HOOK2: variants seen among roughly 807,000 people sequenced by gnomAD.
HOOK2 encodes protein Hook homolog 2.
A neutral mutation model predicts 111.9 loss-of-function variants in HOOK2; 108 were observed. The ratio of observed to expected loss-of-function variants is 0.96; its 90% CI spans 0.83 to 1.13. The LOEUF (loss-of-function observed/expected upper bound fraction) is 1.13, where lower values mean the gene tolerates loss of function less well. HOOK2 is among the 50% of genes most tolerant of loss of function. HOOK2 has a pLI of 0.00. For missense variants in HOOK2, 978 were observed against 951.3 expected, an observed-to-expected ratio of 1.03 and a Z score of -0.37; for synonymous variants, 405 against 394.3, an observed-to-expected ratio of 1.03 and a Z score of -0.32.
intron 3 of HOOK2, 187 bp from the exon 4 acceptor site, chr19:12,773,231 CTTT>C (rs373156108): frequency 0.058 from 14,518 of 248,192 alleles, no homozygotes; most frequent in Middle Eastern, 0.1. Flanking sequence ...ATCTTTGTTT[CTTT>C]TTTTTTTTTT....
rs1968663151 is a variant in HOOK2 at position 12,786,869 on chromosome 19, A to G, written n.42-12644T>C. ...CTGTGCCCCACCACATTTCTCCCCC[A>G]ATTAAAGGAGACCCTCAGTGGGGTG... On this transcript the variant is annotated intron_variant and non_coding_transcript_variant, in intron 3 of 3. Coordinates refer to the HOOK2 transcript ENST00000589765. The surrounding 1 kb of genome is among the most constrained non-coding windows in gnomAD (Gnocchi z 4.3). 6.6e-6 allele frequency among the ~76,000 whole-genome samples: 1 copy of G among 151,908 alleles called. No homozygotes were observed. Among genetic ancestry groups the G allele is most frequent in the South Asian group, 2.1e-4 (1 of 4,808 alleles).
At position 12,770,077 on chromosome 19, in the gene HOOK2, G is replaced by C; in HGVS notation, c.908C>G (p.Ser303Cys). 1 of 1,513,216 alleles carries C rather than the reference G, an allele frequency of 6.6e-7. No homozygotes were observed. The allele number at this position is 1,513,216 out of a possible 1,614,324, so 93.7% of individuals were successfully genotyped here. Residue 303 changes from serine (S) to cysteine (C), a missense_variant, in exon 11 of 23, where the codon TCT (serine) becomes TGT (cysteine). By Grantham distance (112) the Ser-to-Cys change is moderately radical. This residue lies in a region of HOOK2 where 388 missense variants were observed against 358.3 expected (regional missense o/e 1.08). Coordinates refer to ENST00000397668, the MANE Select transcript of HOOK2 (RefSeq NM_013312.3). ...LKDEMDELRQSSERAGQLEAT... is the reference protein window; with the variant it reads ...LKDEMDELRQCSERAGQLEAT... ...CTCCAGCTGCCCAGCACGCTCCGAA[G>C]ACTGCCTAGGGGAGTGGGAGGGAAG...
rs1968657258 is a variant in HOOK2 at position 12,786,407 on chromosome 19, G to T, written n.42-12182C>A. The stretch of plus-strand genomic sequence containing the variant: ...TTTATAAGAAGGAGAAGTCCCTCGT[G>T]CCAAGACCAAAAGCCCCGAAGACAC... On this transcript the variant is annotated intron_variant and non_coding_transcript_variant, in intron 3 of 3. Transcript: ENST00000589765. This position sits in a 1 kb window ranked among gnomAD's most constrained non-coding sequence, Gnocchi z 4.3. Among the ~76,000 whole-genome samples, 1 of 152,126 alleles carries T rather than the reference G, an allele frequency of 6.6e-6. No individual in the cohort carries two copies.
At chr19:12,783,991 C>G (rs563342675) in intron 3 of HOOK2, among the ~76,000 whole-genome samples, 1 of 151,354 alleles carries the variant, frequency 6.6e-6, no homozygotes, top group Non-Finnish European at 1.5e-5. Flanking sequence ...CACCCTCATT[C>G]CAGTGCCCTG....
chr19:12,769,817 G>T, intron 11 of HOOK2, 64 bp downstream of exon 11: 8 of 1,310,764 alleles, frequency 6.1e-6, no homozygotes, highest in Non-Finnish European at 7.9e-6. Context: ...GCGGAGGGCT[G>T]GCCAACGGTG....
At chr19:12,778,094 G>A (rs1568377333), upstream of HOOK2, among the ~76,000 whole-genome samples, 1 of 152,162 alleles carries the variant, frequency 6.6e-6, no homozygotes, top group South Asian at 2.1e-4. Flanking sequence ...CCCGGTAGAC[G>A]GGCGGGGTAA....
intron 20 of HOOK2, 136 bp from the exon 21 acceptor site, chr19:12,763,914 A>G: frequency 1.6e-6 from 1 of 639,766 alleles, no homozygotes; most frequent in Non-Finnish European, 2.7e-6. Context: ...ATGGTCTTGA[A>G]CTCCTGGCAT....
At position 12,772,180 on chromosome 19, in the gene HOOK2, A is replaced by G. The variant is rs770351261; in HGVS notation, c.519+10T>C. On this transcript the variant is annotated intron_variant, in intron 7 of 22. Coordinates refer to ENST00000397668, the MANE Select transcript of HOOK2 (RefSeq NM_013312.3). ...CTGTGCCTGGAACACCTTTCCCCCA[A>G]ATCTCTTACCTGGCTGTCAAAGTTG... 1.2e-6 allele frequency: 2 copies of G among 1,604,768 alleles called. No individual in the cohort carries two copies. Among genetic ancestry groups the G allele is most frequent in the African/African-American group, 2.7e-5 (2 of 74,680 alleles).
intron 14 of HOOK2, chr19:12,766,535 A>G: frequency 2.5e-6 from 1 of 406,406 alleles, no homozygotes; most frequent in Non-Finnish European, 4.4e-6. Context: ...GGGAAGAACT[A>G]GGATGGGACA....
Position 12,763,571 on chromosome 19 carries a change from C to A in HOOK2, c.1967G>T (p.Arg656Leu), listed in dbSNP as rs201745213. The A allele has an allele frequency of 2.5e-6, 4 of 1,614,204 alleles. No individual in the cohort carries two copies. Among genetic ancestry groups the A allele is most frequent in the South Asian group, 2.2e-5 (2 of 91,090 alleles). ...EMDFEKSRSQREQEEKLLISA... is the reference protein window; with the variant it reads ...EMDFEKSRSQLEQEEKLLISA... Reference sequence around the variant, plus strand: ...GATGAGCAGCTTTTCTTCCTGCTCCCGCTGACTTCGGCTTTTCTCAAAGTC... The same window carrying A: ...GATGAGCAGCTTTTCTTCCTGCTCCAGCTGACTTCGGCTTTTCTCAAAGTC... The change falls in exon 22 of 23, where the codon CGG becomes CTG. Residue 656 changes from arginine to leucine, a missense_variant. By Grantham distance (102) the Arg-to-Leu change is moderately radical. This residue lies in a region of HOOK2 where 277 missense variants were observed against 265.8 expected (regional missense o/e 1.04). Transcript: ENST00000397668.
At chr19:12,767,696 C>T in intron 13 of HOOK2, 120 bp downstream of exon 13, 1 of 965,142 alleles carries the variant, frequency 1.0e-6, no homozygotes, top group South Asian at 1.6e-5. Flanking sequence ...TCACCTCTTT[C>T]TGGTCACCTC....
rs192884629 is a variant in HOOK2 at position 12,774,748 on chromosome 19, G to A, written c.132-7C>T. 2.6e-4 allele frequency: 427 copies of A among 1,613,784 alleles called. 4 individuals are homozygous for A. The East Asian group carries it at 7.9e-3, about 30-fold the overall frequency. ...GTTGAACCAGGAGGGGTCTCTGGGG[G>A]CGAGAAGGTGGGATGAGCAGACTGG... On this transcript the variant is annotated splice_region_variant and splice_polypyrimidine_tract_variant and intron_variant, in intron 2 of 22. Transcript: ENST00000397668.
intron 3 of HOOK2, 183 bp from the exon 4 acceptor site, chr19:12,773,227 GTTTCTTTTTTTT>G: frequency 3.5e-6 from 1 of 283,636 alleles, no homozygotes; most frequent in Non-Finnish European, 6.2e-6. Flanking sequence ...GACCATCTTT[GTTTCTTTTTTTT>G]TTTTTTTTTT....
At chr19:12,776,310 T>C (rs1443530950), upstream of HOOK2, among the ~76,000 whole-genome samples, 1 of 151,932 alleles carries the variant, frequency 6.6e-6, no homozygotes, top group Non-Finnish European at 1.5e-5. Context: ...GGCTCTCGAC[T>C]GTAATCCCAG....
intron 3 of HOOK2, among the ~76,000 whole-genome samples, chr19:12,773,565 CAT>C (rs1243553991): frequency 6.6e-6 from 1 of 152,014 alleles, no homozygotes; most frequent in East Asian, 1.9e-4. Context: ...CATCTTCCTT[CAT>C]ATGTCTCCAG....
At chr19:12,776,307 G>C (rs999615231), upstream of HOOK2, among the ~76,000 whole-genome samples, 9 of 151,896 alleles carry the variant, frequency 5.9e-5, no homozygotes, top group Non-Finnish European at 1.2e-4. Context: ...GGTGGCTCTC[G>C]ACTGTAATCC....
At chr19:12,769,745 G>A (rs1282597132) in intron 11 of HOOK2, 136 bp downstream of exon 11, 2 of 647,834 alleles carry the variant, frequency 3.1e-6, no homozygotes, top group African/African-American at 2.0e-5. Context: ...AGCAGCGTGG[G>A]TGGAGGGAAG....
At chr19:12,773,775 T>G (rs1468299431) in intron 3 of HOOK2, among the ~76,000 whole-genome samples, 1 of 152,204 alleles carries the variant, frequency 6.6e-6, no homozygotes, top group Non-Finnish European at 1.5e-5. Context: ...AACCCTGCCT[T>G]GACTTTCCAC....
intron 3 of HOOK2, chr19:12,792,011 C>G (rs1337463988): frequency 1.9e-6 from 3 of 1,611,770 alleles, no homozygotes; most frequent in Admixed American, 3.3e-5. Context: ...GCGCGTCTCT[C>G]AAGCTCGCCT....
Sources: allele counts gnomAD v4.1 joint callset (sites outside exome capture counted in the v4.1 genomes callset), GRCh38; gene constraint gnomAD v4.1.1; regional missense constraint gnomAD v4.1.1; non-coding constraint Gnocchi (gnomAD v3.1); transcripts MANE v1.5; gene names NCBI Gene and HGNC (gene_info 2026-07-23, HGNC 2026-07-21).